Variants in RTN4IP1 observed in about 807,000 individuals in gnomAD.
RTN4IP1 encodes reticulon 4 interacting protein 1, also known as NAD(P)H oxidoreductase RTN4IP1, mitochondrial.
A neutral mutation model predicts 46.6 loss-of-function variants in RTN4IP1; 32 were observed. The ratio of observed to expected loss-of-function variants is 0.69; its 90% confidence interval spans 0.52 to 0.92. The LOEUF (loss-of-function observed/expected upper bound fraction) is 0.92. Among genes scored for constraint, RTN4IP1 ranks in the 40% least tolerant of loss-of-function variants. RTN4IP1 has a pLI of 0.00. For synonymous variants in RTN4IP1, 167 were observed against 161.8 expected (o/e 1.03, Z -0.24); for missense variants, 424 against 485.8 (o/e 0.87, Z 1.20).
chr6:106,611,797 C>A (rs766564173), intron 4 of RTN4IP1, among the ~76,000 whole-genome samples: 2 of 152,188 alleles, frequency 1.3e-5, no homozygotes, highest in Non-Finnish European at 2.9e-5. Context: ...CCCCAATTTA[C>A]AGAAGAGTTT....
At chr6:106,605,852 T>G (rs1393647654) in intron 4 of RTN4IP1, among the ~76,000 whole-genome samples, 1 of 133,616 alleles carries the variant, frequency 7.5e-6, no homozygotes, top group Non-Finnish European at 1.6e-5. Context: ...AAAGAAATCA[T>G]ACAGAGACTA....
Position 106,597,691 on chromosome 6 carries a change from CT to C in RTN4IP1, c.669+5182del, listed in dbSNP as rs978214429. On this transcript the variant is annotated intron_variant, in intron 5 of 8. Transcript: ENST00000369063. ...TTGAATTTTTTTCTGCATTTTGTTT[CT>C]TTTTTTTTTTTTTTAATTATACTTT... Among the ~76,000 whole-genome samples the C allele has an allele frequency of 8.5e-3, 1,151 of 135,836 alleles. 5 individuals carry two copies. Among genetic ancestry groups the C allele is most frequent in the African/African-American group, 0.014 (515 of 37,248 alleles). The allele number at this position is 135,836 out of a possible 152,430, so 89.1% of individuals were successfully genotyped here. A position where few individuals can be genotyped will look rare whatever the true frequency, so the allele number is the denominator to read the frequency against.
At position 106,583,526 on chromosome 6, in the gene RTN4IP1, C is replaced by A. The variant is rs1320161478; in HGVS notation, c.991-106G>T. The stretch of plus-strand genomic sequence containing the variant: ...CTGGATGACTACAACAAACTGATTT[C>A]TCATTTCATGCTGACAAAATGTGTG... On this transcript the variant is annotated intron_variant, in intron 7 of 8. Transcript: ENST00000369063. 3.5e-6 allele frequency: 3 copies of A among 846,362 alleles called. No homozygotes were observed. In the African/African-American group the frequency reaches 5.1e-5, roughly 14 times the overall value. 52.4% of individuals were successfully genotyped at this position (846,362 alleles called of 1,614,324 possible).
At chr6:106,627,743 C>CTT (rs759953237) in intron 1 of RTN4IP1, among the ~76,000 whole-genome samples, 3,787 of 52,978 alleles carry the variant, frequency 0.071, 940 homozygotes, top group Middle Eastern at 0.12. Context: ...CATTTCAATG[C>CTT]TTTTTTTTTT....
At chr6:106,605,827 A>C (rs866300603) in intron 4 of RTN4IP1, among the ~76,000 whole-genome samples, 44,993 of 120,100 alleles carry the variant, frequency 0.37, 7,966 homozygotes, top group Non-Finnish European at 0.4. Context: ...AAAAAAAAAA[A>C]AAAAAAAAAA....
chr6:106,621,803 T>C (rs1337081301), intron 2 of RTN4IP1, among the ~76,000 whole-genome samples: 1 of 152,210 alleles, frequency 6.6e-6, no homozygotes, highest in Non-Finnish European at 1.5e-5. Flanking sequence ...CTATGAGACC[T>C]CTTTATAGCT....
intron 5 of RTN4IP1, among the ~76,000 whole-genome samples, chr6:106,597,411 C>T (rs1384416212): frequency 6.6e-6 from 1 of 152,144 alleles, no homozygotes; most frequent in African/African-American, 2.4e-5. Flanking sequence ...GTGGTGTGAT[C>T]ACAGCTCACT....
At chr6:106,579,119 C>G (rs1775296323) in intron 8 of RTN4IP1, among the ~76,000 whole-genome samples, 1 of 151,734 alleles carries the variant, frequency 6.6e-6, no homozygotes, top group Admixed American at 6.6e-5. Flanking sequence ...GCCTGTAGTC[C>G]CAGCTACTCA....
intron 5 of RTN4IP1, among the ~76,000 whole-genome samples, chr6:106,594,192 G>T (rs770871243): frequency 2.0e-5 from 3 of 152,004 alleles, no homozygotes; most frequent in Non-Finnish European, 4.4e-5. Flanking sequence ...AATTTTTCAT[G>T]TAATATAAAA....
intron 7 of RTN4IP1, chr6:106,583,691 G>T (rs1775420700): frequency 2.8e-6 from 1 of 361,376 alleles, no homozygotes; most frequent in Admixed American, 3.9e-5. Context: ...GCACAGGAAA[G>T]CTTTCCTTAA....
Position 106,629,432 on chromosome 6 carries a change from G to A in RTN4IP1, c.-411C>T, listed in dbSNP as rs1776752836. The A allele has an allele frequency of 3.4e-6, 2 of 590,320 alleles. No individual in the cohort carries two copies. Among genetic ancestry groups the A allele is most frequent in the Admixed American group, 3.1e-5 (1 of 32,446 alleles). 36.6% of individuals were successfully genotyped at this position (590,320 alleles called of 1,614,324 possible). On this transcript the variant is annotated 5_prime_UTR_variant, in exon 1 of 9. Coordinates refer to ENST00000369063, the MANE Select transcript of RTN4IP1 (RefSeq NM_032730.5). ...CCAGAGAATCGAACGCTTGCCGACT[G>A]CCGCCGCGACCCTGGCCCGGAATCT...
chr6:106,606,932 T>C (rs983274870), intron 4 of RTN4IP1, among the ~76,000 whole-genome samples: 2 of 151,956 alleles, frequency 1.3e-5, no homozygotes, highest in African/African-American at 2.4e-5. Flanking sequence ...ACAAAAGACC[T>C]TGAATAACCA....
Position 106,579,905 on chromosome 6 carries a change from C to T in RTN4IP1, c.1083+3423G>A, listed in dbSNP as rs541986084. Among the ~76,000 whole-genome samples the T allele has an allele frequency of 7.9e-5, 12 of 151,956 alleles. No homozygotes were observed. In the South Asian group the frequency reaches 8.3e-4, roughly 11 times the overall value. On this transcript the variant is annotated intron_variant, in intron 8 of 8. Transcript: ENST00000369063. Reference sequence around the variant, plus strand: ...CTGGGATCACAGGCATGAGCCACCACGCCCAGCTCAGATATTAAGATAGTT... The same window carrying T: ...CTGGGATCACAGGCATGAGCCACCATGCCCAGCTCAGATATTAAGATAGTT...
intron 1 of RTN4IP1, among the ~76,000 whole-genome samples, chr6:106,628,276 A>C (rs577992784): frequency 6.6e-6 from 1 of 151,522 alleles, no homozygotes; most frequent in Non-Finnish European, 1.5e-5. Flanking sequence ...GACCAGCCTG[A>C]CCAACATAGT....
In RTN4IP1 at chr6:106,622,913, T is replaced by C; in HGVS notation, c.331A>G (p.Lys111Glu). The C allele has an allele frequency of 1.9e-6, 3 of 1,614,232 alleles. No homozygotes were observed. Among genetic ancestry groups the C allele is most frequent in the Non-Finnish European group, 2.5e-6 (3 of 1,180,044 alleles). ...AGAGTCAGAGGAAATTCTTCTCCTTTGATTTTCACGTGTAAAGGATCACGC... is the reference window on the plus strand; with the variant it reads ...AGAGTCAGAGGAAATTCTTCTCCTTCGATTTTCACGTGTAAAGGATCACGC... The part of the protein sequence containing the change: ...MKRDPLHVKI[K>E]GEEFPLTLGR... Residue 111 changes from lysine (K) to glutamate (E), a missense_variant, in exon 2 of 9, where the codon AAA (lysine) becomes GAA (glutamate). Lys to Glu is a moderately conservative substitution (Grantham distance 56). Transcript: ENST00000369063.
At chr6:106,574,399 C>T (rs541323253) in intron 8 of RTN4IP1, among the ~76,000 whole-genome samples, 4 of 151,522 alleles carry the variant, frequency 2.6e-5, no homozygotes, top group South Asian at 2.1e-4. Flanking sequence ...ACTGAGATCG[C>T]GCCACTGCAC....
intron 5 of RTN4IP1, among the ~76,000 whole-genome samples, chr6:106,595,528 C>T (rs1775765111): frequency 6.9e-6 from 1 of 144,348 alleles, no homozygotes. Flanking sequence ...GGGGGACAGT[C>T]TCGCTCTGTC....
chr6:106,600,588 C>G (rs1317084247), intron 5 of RTN4IP1, among the ~76,000 whole-genome samples: 1 of 151,936 alleles, frequency 6.6e-6, no homozygotes, highest in Non-Finnish European at 1.5e-5. Context: ...TCTCCATCTA[C>G]CCCCAGCCCC....
rs79996243 is a variant in RTN4IP1, at chr6:106,582,766, C to T, written c.1083+562G>A. Reference sequence around the variant, plus strand: ...AATCCCTGAAAGACCTTTTGACATCCAAAAAACGATGACCAGATGATAAGC... The same window carrying T: ...AATCCCTGAAAGACCTTTTGACATCTAAAAAACGATGACCAGATGATAAGC... On this transcript the variant is annotated intron_variant, in intron 8 of 8. Transcript: ENST00000369063. Among the ~76,000 whole-genome samples, 18 of 152,128 alleles carry T rather than the reference C, an allele frequency of 1.2e-4. No individual in the cohort carries two copies. The East Asian group carries it at 3.5e-3, about 29-fold the overall frequency.
Sources: gnomAD v4.1 joint callset for allele counts (sites outside exome capture counted in the v4.1 genomes callset) on GRCh38, gnomAD v4.1.1 for gene constraint, MANE v1.5 for transcripts, NCBI Gene and HGNC (gene_info 2026-07-23, HGNC 2026-07-21) for gene names.